Variants in MARCHF6 observed in about 807,000 individuals in gnomAD.
The protein encoded by MARCHF6 is membrane associated ring-CH-type finger 6.
Under a neutral mutation model 133.7 loss-of-function variants are expected in MARCHF6, and 31 were observed. That is an observed-to-expected ratio of 0.23 (90% confidence interval 0.17 to 0.31). The LOEUF (loss-of-function observed/expected upper bound fraction) is 0.31. Ranked by LOEUF, MARCHF6 falls within the 10% of genes least tolerant of loss-of-function variation. The pLI is 1.00. For missense variants in MARCHF6, 723 were observed against 1,121.6 expected (o/e 0.64, Z 5.08); for synonymous variants, 395 against 402.5 (o/e 0.98, Z 0.22).
At chr5:10,403,136 C>G (rs1473928286) in intron 14 of MARCHF6, among the ~76,000 whole-genome samples, 1 of 152,064 alleles carries the variant, frequency 6.6e-6, no homozygotes, top group Non-Finnish European at 1.5e-5. Context: ...GACCTATAAC[C>G]AAGAAAATTT....
chr5:10,394,350 G>C (rs1461683987), intron 8 of MARCHF6, among the ~76,000 whole-genome samples: 1 of 152,006 alleles, frequency 6.6e-6, no homozygotes, highest in Non-Finnish European at 1.5e-5. Flanking sequence ...ACAAAATCTT[G>C]CTCCATTTAG....
chr5:10,361,029 AG>A (rs1270761446), intron 1 of MARCHF6, among the ~76,000 whole-genome samples: 1 of 152,260 alleles, frequency 6.6e-6, no homozygotes, highest in Non-Finnish European at 1.5e-5. Context: ...AAAAGTGAAT[AG>A]GAAGTAAGAA....
chr5:10,353,943 AGCCCTTGCGTCGGCGCCCGG>A, intron 1 of MARCHF6, 26 bp downstream of exon 1: 1 of 1,541,746 alleles, frequency 6.5e-7, no homozygotes, highest in African/African-American at 1.4e-5. Flanking sequence ...GCGGCGCCCG[AGCCCTTGCGTCGGCGCCCGG>A]GTTCGTACCC....
chr5:10,372,967 G>A (rs2126677548), intron 1 of MARCHF6, among the ~76,000 whole-genome samples: 1 of 152,132 alleles, frequency 6.6e-6, no homozygotes, highest in Admixed American at 6.5e-5. Context: ...AGCTGAGATG[G>A]GAGGATTGCC....
rs141147308 is a variant in MARCHF6, at chr5:10,359,741, A to C, written c.19+5824A>C. 9.8e-3 allele frequency among the ~76,000 whole-genome samples: 1,491 copies of C among 152,318 alleles called. 11 individuals carry two copies. Among genetic ancestry groups the C allele is most frequent in the Non-Finnish European group, 0.017 (1,164 of 68,028 alleles). On this transcript the variant is annotated intron_variant, in intron 1 of 25. Transcript: ENST00000274140. ...ATACAAAGGCTGGGTGCGGTGGCTC[A>C]CGCCTGTAATCCCAGCACTTTCGGA...
chr5:10,401,496 T>C (rs1738533053), intron 11 of MARCHF6: 1 of 153,914 alleles, frequency 6.5e-6, no homozygotes, highest in Admixed American at 6.5e-5. Flanking sequence ...GGTAAGTGTT[T>C]TGAAAAATTT....
chr5:10,388,935 C>T (rs981850227), intron 5 of MARCHF6, among the ~76,000 whole-genome samples: 1 of 152,184 alleles, frequency 6.6e-6, no homozygotes, highest in Admixed American at 6.5e-5. Flanking sequence ...ATATTTTGGT[C>T]CCAACCTTTC....
At chr5:10,393,488 A>AGG (rs1285148061) in intron 7 of MARCHF6, among the ~76,000 whole-genome samples, 3 of 152,304 alleles carry the variant, frequency 2.0e-5, no homozygotes, top group Non-Finnish European at 4.4e-5. Context: ...GGGCCTTTGC[A>AGG]GGGGGAGGTC....
intron 22 of MARCHF6, among the ~76,000 whole-genome samples, chr5:10,421,290 A>G (rs993724088): frequency 2.0e-5 from 3 of 152,212 alleles, no homozygotes; most frequent in Non-Finnish European, 2.9e-5. Flanking sequence ...CCACCAATAG[A>G]GAATGCCCAA....
chr5:10,380,858 C>A (rs991639314), intron 3 of MARCHF6, among the ~76,000 whole-genome samples: 2 of 149,190 alleles, frequency 1.3e-5, no homozygotes, highest in African/African-American at 2.5e-5. Flanking sequence ...ACCTGGGAGG[C>A]GGAGTTTGCA....
intron 1 of MARCHF6, among the ~76,000 whole-genome samples, chr5:10,355,959 G>T (rs1362914111): frequency 6.6e-6 from 1 of 152,010 alleles, no homozygotes; most frequent in Non-Finnish European, 1.5e-5. Context: ...GCTTTATTTT[G>T]TTTTATGAAA....
At chr5:10,388,664 G>A (rs1737630176) in intron 5 of MARCHF6, among the ~76,000 whole-genome samples, 1 of 152,118 alleles carries the variant, frequency 6.6e-6, no homozygotes, top group Non-Finnish European at 1.5e-5. Flanking sequence ...TCTTCTCTTT[G>A]TGGCCTCTTA....
chr5:10,435,261 A>G lies in MARCHF6; in HGVS notation c.*1577A>G, dbSNP rs948574410. 6.6e-6 allele frequency: 1 copy of G among 152,556 alleles called. No homozygotes were observed. The highest frequency in any genetic ancestry group is 2.4e-5 in the African/African-American group (1 of 41,424). 9.5% of individuals were successfully genotyped at this position (152,556 alleles called of 1,614,324 possible). A position where few individuals can be genotyped will look rare whatever the true frequency, so the allele number is the denominator to read the frequency against. ...CAATTTTTTCCCTAAGTGGTAAGCA[A>G]TTACTTTAAAACATATTTTTAAAAA... On this transcript the variant is annotated 3_prime_UTR_variant, in exon 26 of 26. Coordinates refer to ENST00000274140, the MANE Select transcript of MARCHF6 (RefSeq NM_005885.4).
At chr5:10,364,860 A>G (rs143120199) in intron 1 of MARCHF6, among the ~76,000 whole-genome samples, 226 of 152,210 alleles carry the variant, frequency 1.5e-3, no homozygotes, top group African/African-American at 5.2e-3. Flanking sequence ...CTGGAGTGCA[A>G]TGGTGCGATC....
In MARCHF6 at chr5:10,434,820, A is replaced by G. The variant is rs552652090; in HGVS notation, c.*1136A>G. 1 of 152,748 alleles carries G rather than the reference A, an allele frequency of 6.5e-6. No homozygotes were observed. The highest frequency in any genetic ancestry group is 2.1e-4 in the South Asian group (1 of 4,830). 9.5% of individuals were successfully genotyped at this position (152,748 alleles called of 1,614,324 possible). Reference sequence around the variant, plus strand: ...TTTTGTTTACAGAATAAAACTTCAAATAAAACCAATTCATTATTTGTCCAG... The same window carrying G: ...TTTTGTTTACAGAATAAAACTTCAAGTAAAACCAATTCATTATTTGTCCAG... On this transcript the variant is annotated 3_prime_UTR_variant, in exon 26 of 26. Coordinates refer to ENST00000274140, the MANE Select transcript of MARCHF6 (RefSeq NM_005885.4).
At chr5:10,363,234 C>T (rs1220735295) in intron 1 of MARCHF6, among the ~76,000 whole-genome samples, 2 of 152,078 alleles carry the variant, frequency 1.3e-5, no homozygotes, top group African/African-American at 4.8e-5. Context: ...TAGAAAGACA[C>T]TTAACAGAAT....
intron 1 of MARCHF6, among the ~76,000 whole-genome samples, chr5:10,358,861 AACTT>A (rs890388131): frequency 6.6e-6 from 1 of 152,224 alleles, no homozygotes; most frequent in Non-Finnish European, 1.5e-5. Context: ...AATTTATCAA[AACTT>A]ACACACACAA....
intron 6 of MARCHF6, among the ~76,000 whole-genome samples, 156 bp from the exon 7 acceptor site, chr5:10,391,386 G>A (rs1440316393): frequency 6.9e-6 from 1 of 145,268 alleles, no homozygotes; most frequent in African/African-American, 2.5e-5. Flanking sequence ...GCCTGCCTCA[G>A]CCTCCCAAAG....
intron 17 of MARCHF6, 76 bp from the exon 18 acceptor site, chr5:10,410,060 TAAG>T (rs1475785452): frequency 2.1e-6 from 3 of 1,413,536 alleles, no homozygotes; most frequent in Middle Eastern, 2.3e-4. Context: ...ATTAGATTCT[TAAG>T]AAGTTGCGTT....
Sources: gnomAD v4.1 joint callset for allele counts (sites outside exome capture counted in the v4.1 genomes callset) on GRCh38, gnomAD v4.1.1 for gene constraint, MANE v1.5 for transcripts, NCBI Gene and HGNC (gene_info 2026-07-23, HGNC 2026-07-21) for gene names.